Variants in LAMA3 observed in about 807,000 individuals in gnomAD.
LAMA3 encodes laminin subunit alpha 3, also known as laminin subunit alpha-3.
LAMA3 carries 281 observed loss-of-function variants against 402.0 expected under a neutral mutation model. The observed-to-expected ratio is 0.70, with a 90% confidence interval of 0.63 to 0.77. The LOEUF (loss-of-function observed/expected upper bound fraction) is 0.77, where lower values mean the gene tolerates loss of function less well. LAMA3 is among the 30% of genes least tolerant of loss of function. The pLI is 0.00. For missense variants in LAMA3, 3,840 were observed against 4,215.5 expected, an observed-to-expected ratio of 0.91 and a Z score of 2.47; for synonymous variants, 1,431 against 1,558.4, an observed-to-expected ratio of 0.92 and a Z score of 1.93.
rs1291240430 is a variant in LAMA3 at position 23,838,799 on chromosome 18, C to T, written c.3112C>T (p.Pro1038Ser). ...RFLLHQVCII[P>S]IEEFSAEYVR... ...TCACTAGCATCAAGTTTGTATCATACCTATTGAAGAATTCTCAGCTGAGTA... is the reference window on the plus strand; with the variant it reads ...TCACTAGCATCAAGTTTGTATCATATCTATTGAAGAATTCTCAGCTGAGTA... Residue 1038 changes from proline (P) to serine (S), a missense_variant, in exon 26 of 75, where the codon CCT becomes TCT. By Grantham distance (74) the Pro-to-Ser change is moderately conservative. Coordinates refer to ENST00000313654, the MANE Select transcript of LAMA3 (RefSeq NM_198129.4). 9 of 1,606,832 alleles carry T rather than the reference C, an allele frequency of 5.6e-6. No homozygotes were observed. Among genetic ancestry groups the T allele is most frequent in the East Asian group, 4.5e-5 (2 of 44,838 alleles).
chr18:23,873,533 A>G (rs1051341070), intron 38 of LAMA3, among the ~76,000 whole-genome samples: 3 of 152,220 alleles, frequency 2.0e-5, no homozygotes, highest in African/African-American at 7.2e-5. Context: ...AAAAGAGTCC[A>G]ATGCCTATAG....
chr18:23,745,173 ATGTGTG>A (rs55780622), intron 2 of LAMA3, among the ~76,000 whole-genome samples: 43 of 149,028 alleles, frequency 2.9e-4, no homozygotes, highest in African/African-American at 2.2e-4. Flanking sequence ...AGAATCAAAA[ATGTGTG>A]TGTGTGTGTG....
chr18:23,719,787 C>A (rs952862547), intron 2 of LAMA3, among the ~76,000 whole-genome samples: 1 of 151,048 alleles, frequency 6.6e-6, no homozygotes, highest in Non-Finnish European at 1.5e-5. Flanking sequence ...GTTTCTGATA[C>A]TTTTGGGGCT....
At chr18:23,779,596 C>CG (rs892949417) in intron 11 of LAMA3, among the ~76,000 whole-genome samples, 4 of 142,974 alleles carry the variant, frequency 2.8e-5, no homozygotes, top group Non-Finnish European at 4.6e-5. Context: ...GGGCCAGAGG[C>CG]GGGGTGGGTG....
At chr18:23,909,942 C>G (rs1028267399) in intron 55 of LAMA3, among the ~76,000 whole-genome samples, 4 of 152,192 alleles carry the variant, frequency 2.6e-5, no homozygotes, top group African/African-American at 9.7e-5. Flanking sequence ...GGCATCGTGC[C>G]CAATAACCAG....
In LAMA3 at chr18:23,775,845, T is replaced by C. The variant is rs2062305767; in HGVS notation, c.1327T>C (p.Cys443Arg). 3 of 1,614,068 alleles carry C rather than the reference T, an allele frequency of 1.9e-6. No individual in the cohort carries two copies. Reference sequence around the variant, plus strand: ...TGGCTGTGAACAGGGTTCAGGCCGCTGTCACTGCAAGCCAAATTTCCACGG... The same window carrying C: ...TGGCTGTGAACAGGGTTCAGGCCGCCGTCACTGCAAGCCAAATTTCCACGG... Reference protein sequence around the residue: ...ADGCEQGSGRCHCKPNFHGDN... With the variant: ...ADGCEQGSGRRHCKPNFHGDN... The change falls in exon 10 of 75, where the codon TGT becomes CGT. Residue 443 changes from cysteine (C) to arginine (R), a missense_variant. Cys to Arg is a radical substitution (Grantham distance 180, BLOSUM62 -3). Transcript: ENST00000313654.
intron 41 of LAMA3, among the ~76,000 whole-genome samples, chr18:23,889,677 GAA>G: frequency 5.8e-5 from 5 of 85,994 alleles, no homozygotes; most frequent in East Asian, 3.1e-4. Flanking sequence ...GGGGAGGGAG[GAA>G]GGAAGGAAGG....
chr18:23,720,630 A>G (rs1194725353), intron 2 of LAMA3, among the ~76,000 whole-genome samples: 1 of 152,212 alleles, frequency 6.6e-6, no homozygotes, highest in Non-Finnish European at 1.5e-5. Flanking sequence ...CTGGGTTTAC[A>G]GGCATGAGCC....
rs148808098 is a variant in LAMA3 at position 23,720,366 on chromosome 18, T to G, written c.447+6294T>G. Among the ~76,000 whole-genome samples, 360 of 152,034 alleles carry G rather than the reference T, an allele frequency of 2.4e-3. 3 individuals carry two copies. Among genetic ancestry groups the G allele is most frequent in the Non-Finnish European group, 2.1e-3 (146 of 67,956 alleles). On this transcript the variant is annotated intron_variant, in intron 2 of 74. Transcript: ENST00000313654. ...TGGTGTTTTTTTGTTTTTGTTTTTG[T>G]TTTTTTTGAGATGGAGTCTCACTCT...
chr18:23,765,817 TAAA>T (rs1463809445), intron 8 of LAMA3, among the ~76,000 whole-genome samples: 1 of 151,974 alleles, frequency 6.6e-6, no homozygotes. Context: ...ATATGTTAAA[TAAA>T]AAATCCATTG....
At chr18:23,791,294 A>G (rs186325732) in intron 12 of LAMA3, among the ~76,000 whole-genome samples, 8 of 152,316 alleles carry the variant, frequency 5.3e-5, no homozygotes, top group African/African-American at 1.9e-4. Flanking sequence ...GAGTGTGGAG[A>G]CTTCAGTCTG....
Position 23,912,710 on chromosome 18 carries a change from G to T in LAMA3, c.7159-1G>T. The T allele has an allele frequency of 6.2e-7, 1 of 1,613,852 alleles. No homozygotes were observed. The highest frequency in any genetic ancestry group is 8.5e-7 in the Non-Finnish European group (1 of 1,179,740). ...GACACCATGTAACTTACTCCTCACA[G>T]GTTGCTGTCCCCATGAGGTTCAATG... On this transcript the variant is annotated splice_acceptor_variant, in intron 55 of 74. Transcript: ENST00000313654. LOFTEE classifies it high-confidence loss of function.
In LAMA3 at chr18:23,763,279, A is replaced by G. The variant is rs1023931297; in HGVS notation, c.1064-126A>G. The stretch of plus-strand genomic sequence containing the variant: ...TAAAGATCCCTAAAAATTTTCCCCT[A>G]AGAGTGTCCTGGGTGTTCCAGAATA... On this transcript the variant is annotated intron_variant, in intron 7 of 74. Coordinates refer to ENST00000313654, the MANE Select transcript of LAMA3 (RefSeq NM_198129.4). 4.2e-6 allele frequency: 3 copies of G among 711,334 alleles called. No individual in the cohort carries two copies. The African/African-American group carries it at 5.3e-5, about 12-fold the overall frequency. The allele number at this position is 711,334 out of a possible 1,614,324, so 44.1% of individuals were successfully genotyped here.
intron 32 of LAMA3, among the ~76,000 whole-genome samples, chr18:23,848,848 C>T (rs765287268): frequency 6.6e-6 from 1 of 151,638 alleles, no homozygotes; most frequent in African/African-American, 2.4e-5. Context: ...AGAACCTGTT[C>T]CATGCCTTTC....
intron 67 of LAMA3, among the ~76,000 whole-genome samples, chr18:23,938,435 A>G (rs2082379104): frequency 6.6e-6 from 1 of 152,144 alleles, no homozygotes; most frequent in South Asian, 2.1e-4. Context: ...TTTAACATTT[A>G]TTATGGTTGT....
chr18:23,793,113 G>C (rs367579577), intron 12 of LAMA3, among the ~76,000 whole-genome samples: 9 of 152,184 alleles, frequency 5.9e-5, no homozygotes, highest in African/African-American at 2.2e-4. Flanking sequence ...GGGATAAGCA[G>C]GTTTAGGATT....
At position 23,954,594 on chromosome 18, in the gene LAMA3, T is replaced by C; in HGVS notation, c.9948T>C (p.Thr3316=). The C allele has an allele frequency of 6.2e-7, 1 of 1,614,000 alleles. No individual in the cohort carries two copies. The highest frequency in any genetic ancestry group is 8.5e-7 in the Non-Finnish European group (1 of 1,179,968). ...TCAATCACATCCCTGTCCCTGTCAC[T>C]GAAGCCTTGGAAGTCCAGGGGCCTG... is the stretch of plus-strand genomic sequence containing the variant. ...IHVNHIPVPV[T]EALEVQGPVS... Residue 3316 remains threonine, a synonymous_variant, in exon 75 of 75, where the codon ACT becomes ACC. Transcript: ENST00000313654.
At chr18:23,954,347 G>A (rs550429530) in intron 74 of LAMA3, among the ~76,000 whole-genome samples, 156 bp from the exon 75 acceptor site, 1 of 144,116 alleles carries the variant, frequency 6.9e-6, no homozygotes, top group East Asian at 2.0e-4. Flanking sequence ...GGTTTACAGA[G>A]AGCTGTGATC....
At chr18:23,740,608 T>C (rs1397888466) in intron 2 of LAMA3, among the ~76,000 whole-genome samples, 1 of 152,142 alleles carries the variant, frequency 6.6e-6, no homozygotes, top group Non-Finnish European at 1.5e-5. Context: ...TGAATCTCGA[T>C]TTTTTTAAAA....
Sources: gnomAD v4.1 joint callset for allele counts (sites outside exome capture counted in the v4.1 genomes callset) on GRCh38, gnomAD v4.1.1 for gene constraint, MANE v1.5 for transcripts, NCBI Gene and HGNC (gene_info 2026-07-23, HGNC 2026-07-21) for gene names.